RSU1: variants seen among roughly 807,000 people sequenced by gnomAD.
RSU1 encodes the protein Ras suppressor protein 1.
Under a neutral mutation model 31.1 loss-of-function variants are expected in RSU1, and 26 were observed. The ratio of observed to expected loss-of-function variants is 0.84; its 90% confidence interval spans 0.61 to 1.16. RSU1 has a LOEUF of 1.16. RSU1 is among the 50% of genes most tolerant of loss of function. The pLI, the probability that RSU1 is intolerant of heterozygous loss-of-function variation, is 0.00. For missense variants in RSU1, 320 were observed against 339.1 expected (o/e 0.94, Z 0.44); for synonymous variants, 164 against 136.3 (o/e 1.20, Z -1.41).
At chr10:16,726,303 C>G (rs1836392855) in intron 7 of RSU1, among the ~76,000 whole-genome samples, 1 of 141,018 alleles carries the variant, frequency 7.1e-6, no homozygotes, top group African/African-American at 2.9e-5. Flanking sequence ...GAGTCTTGCT[C>G]TGTCACCAGG....
chr10:16,799,782 T>C (rs1218425151), intron 2 of RSU1, among the ~76,000 whole-genome samples: 1 of 152,034 alleles, frequency 6.6e-6, no homozygotes, highest in Non-Finnish European at 1.5e-5. Context: ...CAGGAACTGA[T>C]GGAAATACCC....
In RSU1 at chr10:16,816,554, C is replaced by T. The variant is rs1003486528; in HGVS notation, c.109+419G>A. Among the ~76,000 whole-genome samples, 4 of 152,190 alleles carry T rather than the reference C, an allele frequency of 2.6e-5. No individual in the cohort carries two copies. The East Asian group carries it at 5.8e-4, about 22-fold the overall frequency. ...GAAGAATGTAAAGATTCAAGAAATGCTTAAAACGCTCCAGGCACAAGAATG... is the reference window on the plus strand; with the variant it reads ...GAAGAATGTAAAGATTCAAGAAATGTTTAAAACGCTCCAGGCACAAGAATG... On this transcript the variant is annotated intron_variant, in intron 2 of 8. Transcript: ENST00000345264.
intron 7 of RSU1, among the ~76,000 whole-genome samples, chr10:16,718,288 T>A (rs990525095): frequency 1.3e-5 from 2 of 152,102 alleles, no homozygotes; most frequent in Non-Finnish European, 2.9e-5. Flanking sequence ...AGCATTAATA[T>A]AATAAAAATT....
chr10:16,703,827 G>A (rs1028534361), intron 7 of RSU1, among the ~76,000 whole-genome samples: 10 of 152,190 alleles, frequency 6.6e-5, no homozygotes, highest in African/African-American at 2.4e-4. Flanking sequence ...AAAAATCTCA[G>A]AATTTAAAGT....
intron 8 of RSU1, among the ~76,000 whole-genome samples, chr10:16,635,745 C>T (rs543620839): frequency 1.3e-5 from 2 of 152,322 alleles, no homozygotes; most frequent in East Asian, 1.9e-4. Context: ...AATTTATTTG[C>T]CTTCACTTGG....
At chr10:16,734,693 G>T (rs142594030) in intron 7 of RSU1, among the ~76,000 whole-genome samples, 27 of 152,272 alleles carry the variant, frequency 1.8e-4, no homozygotes, top group African/African-American at 6.0e-4. Context: ...GGTGAACAAT[G>T]CAACAGTATC....
At chr10:16,709,483 T>C (rs1422904976) in intron 7 of RSU1, among the ~76,000 whole-genome samples, 1 of 152,206 alleles carries the variant, frequency 6.6e-6, no homozygotes, top group Non-Finnish European at 1.5e-5. Context: ...TATAGCAGCA[T>C]GATTTATAGT....
At chr10:16,621,229 T>C (rs977142359) in intron 8 of RSU1, among the ~76,000 whole-genome samples, 2 of 152,150 alleles carry the variant, frequency 1.3e-5, no homozygotes, top group African/African-American at 4.8e-5. Context: ...CAGGTGGAGA[T>C]CAGGGATGCC....
At chr10:16,709,920 A>C (rs1835983423) in intron 7 of RSU1, among the ~76,000 whole-genome samples, 1 of 152,130 alleles carries the variant, frequency 6.6e-6, no homozygotes, top group Admixed American at 6.6e-5. Context: ...AGGTTGCCAA[A>C]ATTTTCTCCC....
intron 8 of RSU1, among the ~76,000 whole-genome samples, chr10:16,638,687 T>A (rs1834389460): frequency 6.6e-6 from 1 of 152,170 alleles, no homozygotes; most frequent in Non-Finnish European, 1.5e-5. Flanking sequence ...GACACACGTG[T>A]CATTAAAATA....
At chr10:16,759,170 A>G (rs548370748) in intron 4 of RSU1, among the ~76,000 whole-genome samples, 1 of 152,236 alleles carries the variant, frequency 6.6e-6, no homozygotes, top group Admixed American at 6.5e-5. Context: ...TCTCACCTCC[A>G]CAGTGACCTA....
At chr10:16,767,951 T>C (rs912721317) in intron 3 of RSU1, among the ~76,000 whole-genome samples, 2 of 152,226 alleles carry the variant, frequency 1.3e-5, no homozygotes, top group Non-Finnish European at 2.9e-5. Flanking sequence ...GGAACAATTT[T>C]AGGTATTCCA....
At chr10:16,740,836 T>C (rs960796979) in intron 7 of RSU1, among the ~76,000 whole-genome samples, 2 of 152,312 alleles carry the variant, frequency 1.3e-5, no homozygotes, top group South Asian at 2.1e-4. Context: ...AAATATCCCA[T>C]GTTCATGGAT....
Position 16,638,781 on chromosome 10 carries a change from G to A in RSU1, c.732-45285C>T, listed in dbSNP as rs534550004. On this transcript the variant is annotated intron_variant, in intron 8 of 8. Coordinates refer to ENST00000345264, the MANE Select transcript of RSU1 (RefSeq NM_012425.4). ...ATGGTGGGGTGCACGGAGGAGGGCCGCGCTAGACGAGAAAATTCTACAACA... is the reference window on the plus strand; with the variant it reads ...ATGGTGGGGTGCACGGAGGAGGGCCACGCTAGACGAGAAAATTCTACAACA... Among the ~76,000 whole-genome samples the A allele has an allele frequency of 3.5e-3, 535 of 152,302 alleles. 8 individuals are homozygous for A. Among genetic ancestry groups the A allele is most frequent in the African/African-American group, 0.012 (504 of 41,558 alleles).
rs761174198 is a variant in RSU1, at chr10:16,817,049, C to G, written c.33G>C (p.Glu11Asp). ...CCTCGGGCTGGTTCTTCTCCCGGCT[C>G]TCCTCCACCAACTTCTTCAGAGACT... MSKSLKKLVE[E>D]SREKNQPEVD... The change falls in exon 2 of 9, where the codon GAG (glutamate) becomes GAC (aspartate). Residue 11 changes from glutamate to aspartate, a missense_variant. Transcript: ENST00000345264. 6.2e-7 allele frequency: 1 copy of G among 1,614,174 alleles called. No homozygotes were observed. Among genetic ancestry groups the G allele is most frequent in the Middle Eastern group, 1.6e-4 (1 of 6,062 alleles).
At chr10:16,721,101 GATAA>G (rs1324095152) in intron 7 of RSU1, among the ~76,000 whole-genome samples, 1 of 152,184 alleles carries the variant, frequency 6.6e-6, no homozygotes, top group Non-Finnish European at 1.5e-5. Context: ...GTGTCATGAA[GATAA>G]ATAACTTGTC....
intron 7 of RSU1, among the ~76,000 whole-genome samples, chr10:16,706,207 C>T (rs1835898408): frequency 6.6e-6 from 1 of 152,182 alleles, no homozygotes; most frequent in Non-Finnish European, 1.5e-5. Context: ...GAGAAACTGT[C>T]ATACAATTTT....
chr10:16,661,043 T>C (rs1305210416), intron 8 of RSU1, among the ~76,000 whole-genome samples: 1 of 152,190 alleles, frequency 6.6e-6, no homozygotes, highest in Non-Finnish European at 1.5e-5. Flanking sequence ...TGTTATTCTA[T>C]TATTTTTCAG....
intron 8 of RSU1, among the ~76,000 whole-genome samples, chr10:16,594,258 CCGG>C (rs1354360070): frequency 6.6e-6 from 1 of 152,122 alleles, no homozygotes; most frequent in Non-Finnish European, 1.5e-5. Flanking sequence ...AAGGGCATAC[CCGG>C]CTCCACAGCC....
Sources: gnomAD v4.1 joint callset for allele counts (sites outside exome capture counted in the v4.1 genomes callset) on GRCh38, gnomAD v4.1.1 for gene constraint, MANE v1.5 for transcripts, NCBI Gene and HGNC (gene_info 2026-07-23, HGNC 2026-07-21) for gene names.